Variants in EGFLAM observed in about 807,000 individuals in gnomAD.
EGFLAM encodes pikachurin.
In EGFLAM, 79 loss-of-function variants were observed where a neutral mutation model predicts 113.1. The ratio of observed to expected loss-of-function variants is 0.70; its 90% confidence interval spans 0.58 to 0.84. The LOEUF (loss-of-function observed/expected upper bound fraction) is 0.84, where lower values mean the gene tolerates loss of function less well. Among genes scored for constraint, EGFLAM ranks in the 40% least tolerant of loss-of-function variants. EGFLAM has a pLI of 0.00. For synonymous variants in EGFLAM, 504 were observed against 487.6 expected (o/e 1.03, Z -0.44); for missense variants, 1,265 against 1,291.6 (o/e 0.98, Z 0.32).
rs746980171 is a variant in EGFLAM, at chr5:38,458,390, G to A, written c.2767G>A (p.Val923Ile). 6.2e-5 allele frequency: 100 copies of A among 1,613,758 alleles called. No homozygotes were observed. Among genetic ancestry groups the A allele is most frequent in the Middle Eastern group, 1.6e-4 (1 of 6,084 alleles). Residue 923 changes from valine (V) to isoleucine (I), a missense_variant, in exon 20 of 22, where the codon GTT becomes ATT. By Grantham distance (29) the Val-to-Ile change is conservative. Coordinates refer to ENST00000322350, the MANE Select transcript of EGFLAM (RefSeq NM_152403.4). Reference protein sequence around the residue: ...NDGRWHRVKAVRDGQSGKITV... With the variant: ...NDGRWHRVKAIRDGQSGKITV... ...TGGTCGGTGGCACCGAGTTAAGGCCGTTAGGTGAGTCCCTCCCGCAGCATG... is the reference window on the plus strand; with the variant it reads ...TGGTCGGTGGCACCGAGTTAAGGCCATTAGGTGAGTCCCTCCCGCAGCATG...
At position 38,349,633 on chromosome 5, in the gene EGFLAM, C is replaced by T. The variant is rs572694628; in HGVS notation, c.292-868C>T. ...CACTACAATGGGCTGCTGCTTCCCA[C>T]CGATCAGACCCAGGCTCCCAATTAC... On this transcript the variant is annotated intron_variant, in intron 3 of 21. Transcript: ENST00000322350. 9.2e-4 allele frequency among the ~76,000 whole-genome samples: 140 copies of T among 152,230 alleles called. 1 individual carries two copies. The highest frequency in any genetic ancestry group is 3.3e-3 in the African/African-American group (136 of 41,528).
intron 1 of EGFLAM, among the ~76,000 whole-genome samples, chr5:38,260,362 G>T (rs1160163051): frequency 6.6e-6 from 1 of 152,134 alleles, no homozygotes; most frequent in Non-Finnish European, 1.5e-5. Context: ...GCTTTTTAAA[G>T]GATATATTTT....
At chr5:38,337,129 T>C (rs1171813881) in intron 1 of EGFLAM, among the ~76,000 whole-genome samples, 2 of 152,254 alleles carry the variant, frequency 1.3e-5, no homozygotes, top group African/African-American at 4.8e-5. Context: ...CTATGTAATG[T>C]ATACATAAAA....
intron 17 of EGFLAM, among the ~76,000 whole-genome samples, chr5:38,438,845 T>G (rs1355858983): frequency 1.3e-5 from 2 of 152,182 alleles, no homozygotes; most frequent in Non-Finnish European, 2.9e-5. Context: ...CTGATAAATA[T>G]TTTAACCCCT....
intron 3 of EGFLAM, among the ~76,000 whole-genome samples, chr5:38,343,406 CAAAAAA>C (rs61453202): frequency 1.4e-4 from 18 of 130,924 alleles, no homozygotes; most frequent in East Asian, 2.3e-4. Flanking sequence ...AACTCCATCT[CAAAAAA>C]AAAAAAAAAA....
At chr5:38,258,945 C>T (rs1757427839) in intron 1 of EGFLAM, 94 bp downstream of exon 1, 8 of 1,331,836 alleles carry the variant, frequency 6.0e-6, no homozygotes, top group Non-Finnish European at 8.1e-6. Flanking sequence ...CCGCCTCCCT[C>T]TCCCCGACCA....
intron 1 of EGFLAM, among the ~76,000 whole-genome samples, chr5:38,296,862 G>C (rs1357440925): frequency 6.6e-6 from 1 of 151,854 alleles, no homozygotes; most frequent in Non-Finnish European, 1.5e-5. Flanking sequence ...TGTACCCCTT[G>C]ATATAATTTA....
chr5:38,458,322 G>A lies in EGFLAM; in HGVS notation c.2699G>A (p.Gly900Asp), dbSNP rs1743157462. ...DGALVFSYNL[G>D]SGVASIMVNG... ...CTCCAATGCCTTAGCTATAACCTGG[G>A]CAGTGGTGTGGCATCCATCATGGTG... is the stretch of plus-strand genomic sequence containing the variant. The change falls in exon 20 of 22, where the codon GGC (glycine) becomes GAC (aspartate). Residue 900 changes from glycine (G) to aspartate (D), a missense_variant. By Grantham distance (94) the Gly-to-Asp change is moderately conservative. Coordinates refer to ENST00000322350, the MANE Select transcript of EGFLAM (RefSeq NM_152403.4). 6.2e-7 allele frequency: 1 copy of A among 1,613,826 alleles called. No individual in the cohort carries two copies. Among genetic ancestry groups the A allele is most frequent in the African/African-American group, 1.3e-5 (1 of 74,880 alleles).
At chr5:38,425,626 A>T (rs1408464754) in intron 13 of EGFLAM, among the ~76,000 whole-genome samples, 1 of 152,208 alleles carries the variant, frequency 6.6e-6, no homozygotes, top group African/African-American at 2.4e-5. Context: ...TCTGATGTTG[A>T]GCCTTTCAGC....
chr5:38,446,741 C>G (rs1216343493), intron 17 of EGFLAM, among the ~76,000 whole-genome samples: 1 of 152,150 alleles, frequency 6.6e-6, no homozygotes, highest in Non-Finnish European at 1.5e-5. Flanking sequence ...TTCTTGTTTT[C>G]TTTCCTCTCT....
intron 6 of EGFLAM, among the ~76,000 whole-genome samples, chr5:38,402,569 C>T (rs1285543139): frequency 6.6e-6 from 1 of 152,174 alleles, no homozygotes; most frequent in African/African-American, 2.4e-5. Flanking sequence ...CCAGACAGAC[C>T]TTGGATTTGA....
intron 1 of EGFLAM, among the ~76,000 whole-genome samples, chr5:38,323,291 T>C (rs1235935321): frequency 1.3e-5 from 2 of 152,210 alleles, no homozygotes; most frequent in Non-Finnish European, 2.9e-5. Context: ...TTTTATGAAA[T>C]AAAATTTCTA....
At chr5:38,455,731 T>C (rs1743065564) in intron 19 of EGFLAM, among the ~76,000 whole-genome samples, 1 of 152,182 alleles carries the variant, frequency 6.6e-6, no homozygotes. Flanking sequence ...CCCACAGTGA[T>C]GGCTGGATTC....
rs1253548323 is a variant in EGFLAM at position 38,425,025 on chromosome 5, A to G, written c.1743A>G (p.Thr581=). 6.2e-7 allele frequency: 1 copy of G among 1,614,150 alleles called. No individual in the cohort carries two copies. Among genetic ancestry groups the G allele is most frequent in the Admixed American group, 1.7e-5 (1 of 60,016 alleles). The change falls in exon 13 of 22, where the codon ACA becomes ACG. Residue 581 remains threonine (T), a synonymous_variant. Transcript: ENST00000322350. ...EASCIHGGTC[T]AIKADSYICL... ...CGTGCATCCATGGTGGCACCTGCAC[A>G]GCAATCAAAGCCGACTCCTACATTT...
intron 1 of EGFLAM, among the ~76,000 whole-genome samples, chr5:38,262,840 C>G (rs1021707451): frequency 6.6e-6 from 1 of 152,170 alleles, no homozygotes; most frequent in Non-Finnish European, 1.5e-5. Context: ...TCTTGATAAA[C>G]AGAAGGAGTG....
In EGFLAM at chr5:38,431,174, C is replaced by T. The variant is rs760232663; in HGVS notation, c.2055-3C>T. 9.3e-6 allele frequency: 15 copies of T among 1,611,638 alleles called. No homozygotes were observed. The Admixed American group carries it at 2.5e-4, about 27-fold the overall frequency. ...AAAATAATATCACATCTTCCTTCCA[C>T]AGGAGTGAAGATCCCCTCACCCTGG... On this transcript the variant is annotated splice_region_variant and splice_polypyrimidine_tract_variant and intron_variant, in intron 14 of 21. Coordinates refer to ENST00000322350, the MANE Select transcript of EGFLAM (RefSeq NM_152403.4).
At chr5:38,284,743 A>G (rs1053580049) in intron 1 of EGFLAM, among the ~76,000 whole-genome samples, 12 of 152,232 alleles carry the variant, frequency 7.9e-5, no homozygotes, top group Non-Finnish European at 1.3e-4. Flanking sequence ...GTTGAAATGT[A>G]TGCTGCCACT....
intron 1 of EGFLAM, among the ~76,000 whole-genome samples, chr5:38,324,063 A>T (rs887170255): frequency 6.9e-6 from 1 of 144,310 alleles, no homozygotes; most frequent in African/African-American, 2.6e-5. Flanking sequence ...AAAAAAAAAA[A>T]GCTTTACTTG....
At chr5:38,274,269 G>C (rs1757832714) in intron 1 of EGFLAM, among the ~76,000 whole-genome samples, 2 of 152,108 alleles carry the variant, frequency 1.3e-5, no homozygotes, top group South Asian at 4.1e-4. Flanking sequence ...AAAAACAAAG[G>C]GGTAGAAAGC....
Sources: allele counts gnomAD v4.1 joint callset (sites outside exome capture counted in the v4.1 genomes callset), GRCh38; gene constraint gnomAD v4.1.1; transcripts MANE v1.5; gene names NCBI Gene and HGNC (gene_info 2026-07-23, HGNC 2026-07-21).